VPS13B: variants seen among roughly 807,000 people sequenced by gnomAD.
The protein encoded by VPS13B is vacuolar protein sorting 13 homolog B, also known as intermembrane lipid transfer protein VPS13B.
Under a neutral mutation model 426.4 loss-of-function variants are expected in VPS13B, and 285 were observed. That is an observed-to-expected ratio of 0.67 (90% CI 0.61 to 0.74). VPS13B has a LOEUF of 0.74. VPS13B is among the 30% of genes least tolerant of loss of function. The probability of loss-of-function intolerance (pLI) is 0.00; values close to 1 mark genes in which losing one functional copy is unlikely to be tolerated. For synonymous variants in VPS13B, 1,676 were observed against 1,676.4 expected (o/e 1.00, Z 0.01); for missense variants, 4,537 against 4,782.6 (o/e 0.95, Z 1.51).
At chr8:99,682,574 A>G (rs1437085150) in intron 35 of VPS13B, among the ~76,000 whole-genome samples, 1 of 152,188 alleles carries the variant, frequency 6.6e-6, no homozygotes, top group African/African-American at 2.4e-5. Flanking sequence ...TTTTTAAAAT[A>G]TGCCTTTTTG....
At chr8:99,462,261 A>G (rs1172653632) in intron 23 of VPS13B, among the ~76,000 whole-genome samples, 1 of 150,696 alleles carries the variant, frequency 6.6e-6, no homozygotes, top group African/African-American at 2.4e-5. Flanking sequence ...TATTTTCTCC[A>G]TGGTGGCATG....
intron 39 of VPS13B, among the ~76,000 whole-genome samples, chr8:99,744,825 TG>T (rs1002218610): frequency 2.5e-5 from 2 of 79,400 alleles, no homozygotes; most frequent in Admixed American, 1.5e-4. Flanking sequence ...TGTTGTGGGG[TG>T]GGGGGAAGGG....
At chr8:99,413,164 T>A (rs1373113958) in intron 21 of VPS13B, among the ~76,000 whole-genome samples, 2 of 152,138 alleles carry the variant, frequency 1.3e-5, no homozygotes, top group Admixed American at 1.3e-4. Context: ...TCTGGTAGAA[T>A]TCGTCTTTGA....
intron 39 of VPS13B, among the ~76,000 whole-genome samples, chr8:99,751,412 G>A (rs1810387058): frequency 6.6e-6 from 1 of 152,068 alleles, no homozygotes; most frequent in African/African-American, 2.4e-5. Context: ...AAATCTACCA[G>A]AAAAGTATGG....
intron 30 of VPS13B, among the ~76,000 whole-genome samples, chr8:99,549,333 A>T (rs1824154353): frequency 6.6e-6 from 1 of 152,104 alleles, no homozygotes; most frequent in Non-Finnish European, 1.5e-5. Flanking sequence ...TCTTTTTAGA[A>T]TCCTAGTACG....
At chr8:99,360,163 T>TC (rs1812445242) in intron 19 of VPS13B, among the ~76,000 whole-genome samples, 1 of 38,800 alleles carries the variant, frequency 2.6e-5, no homozygotes, top group African/African-American at 1.2e-4. Flanking sequence ...TCTTTCTTTC[T>TC]TTCTTTCTTT....
chr8:99,465,297 G>A (rs916112902), intron 23 of VPS13B, among the ~76,000 whole-genome samples: 3 of 151,916 alleles, frequency 2.0e-5, no homozygotes, highest in Non-Finnish European at 4.4e-5. Flanking sequence ...GTGGGAAATT[G>A]TGGAATTTTT....
intron 15 of VPS13B, among the ~76,000 whole-genome samples, chr8:99,162,551 C>A (rs1811728996): frequency 6.6e-6 from 1 of 151,960 alleles, no homozygotes; most frequent in South Asian, 2.1e-4. Context: ...TTTGGAGTTT[C>A]TTCCTTCTGG....
intron 19 of VPS13B, among the ~76,000 whole-genome samples, chr8:99,361,347 T>C (rs984507978): frequency 8.5e-5 from 13 of 152,336 alleles, no homozygotes; most frequent in African/African-American, 2.4e-4. Context: ...GACCAGATAA[T>C]TTTTTAGGCT....
chr8:99,354,958 A>T (rs1472815784), intron 19 of VPS13B, among the ~76,000 whole-genome samples: 1 of 152,322 alleles, frequency 6.6e-6, no homozygotes, highest in East Asian at 1.9e-4. Context: ...CAGACAAACA[A>T]AAAACCTAGT....
At chr8:99,110,086 CAG>C (rs1465438069) in intron 5 of VPS13B, among the ~76,000 whole-genome samples, 1 of 152,018 alleles carries the variant, frequency 6.6e-6, no homozygotes, top group Non-Finnish European at 1.5e-5. Context: ...TTTCAACTAA[CAG>C]ACAACTTTGA....
chr8:99,431,547 A>G lies in VPS13B; in HGVS notation c.3093A>G (p.Pro1031=), dbSNP rs764269562. 3 of 1,613,434 alleles carry G rather than the reference A, an allele frequency of 1.9e-6. No homozygotes were observed. The highest frequency in any genetic ancestry group is 1.7e-5 in the Admixed American group (1 of 60,004). The part of the protein sequence containing the change: ...VKTKTVTESR[P]LSVPVKAMLN... ...TATTCTCGTACTCAGAATCCCGCCC[A>G]TTGTCAGTTCCTGTTAAAGCCATGT... Residue 1031 remains proline, a synonymous_variant, in exon 22 of 62, where the codon CCA becomes CCG. Coordinates refer to ENST00000357162, the MANE Select transcript of VPS13B (RefSeq NM_152564.5).
intron 33 of VPS13B, among the ~76,000 whole-genome samples, chr8:99,630,493 TC>T (rs1247967294): frequency 6.6e-6 from 1 of 151,986 alleles, no homozygotes; most frequent in Admixed American, 6.6e-5. Flanking sequence ...GAAGGTAGGC[TC>T]CAATTTTAAC....
At chr8:99,371,624 C>T (rs994888898) in intron 19 of VPS13B, among the ~76,000 whole-genome samples, 2 of 152,088 alleles carry the variant, frequency 1.3e-5, no homozygotes, top group African/African-American at 2.4e-5. Flanking sequence ...TCAGTGGTAG[C>T]GTAATGGGAA....
At chr8:99,489,150 C>T (rs189933323) in intron 25 of VPS13B, among the ~76,000 whole-genome samples, 21 of 152,222 alleles carry the variant, frequency 1.4e-4, no homozygotes, top group African/African-American at 4.8e-4. Context: ...AGTCCTTTCC[C>T]TGTTACTTGT....
chr8:99,555,840 C>T (rs973482441), intron 30 of VPS13B, among the ~76,000 whole-genome samples: 1 of 152,084 alleles, frequency 6.6e-6, no homozygotes, highest in African/African-American at 2.4e-5. Flanking sequence ...CTCTGTTATT[C>T]TACATCAGAA....
rs78195515 is a variant in VPS13B at position 99,181,603 on chromosome 8, G to A, written c.2334-11273G>A. Among the ~76,000 whole-genome samples the A allele has an allele frequency of 8.8e-3, 1,347 of 152,292 alleles. 14 individuals are homozygous for A. Among genetic ancestry groups the A allele is most frequent in the African/African-American group, 0.03 (1,231 of 41,562 alleles). On this transcript the variant is annotated intron_variant, in intron 16 of 61. Coordinates refer to ENST00000357162, the MANE Select transcript of VPS13B (RefSeq NM_152564.5). ...TAACAAATATGAGCTGCTTTGAATA[G>A]TGCCTGACACATAACAAGTTCTTTA...
At chr8:99,623,994 C>CATATATATATATAT (rs770947718) in intron 33 of VPS13B, among the ~76,000 whole-genome samples, 87 of 53,934 alleles carry the variant, frequency 1.6e-3, no homozygotes, top group African/African-American at 4.9e-3. Flanking sequence ...ATGAAACATA[C>CATATATATATATAT]ATATATATAT....
intron 17 of VPS13B, among the ~76,000 whole-genome samples, chr8:99,235,462 C>A (rs905430746): frequency 2.0e-5 from 3 of 152,048 alleles, no homozygotes; most frequent in African/African-American, 7.2e-5. Flanking sequence ...AAATCTGTAC[C>A]TTTTCTGTGT....
Sources: gnomAD v4.1 joint callset for allele counts (sites outside exome capture counted in the v4.1 genomes callset) on GRCh38, gnomAD v4.1.1 for gene constraint, MANE v1.5 for transcripts, NCBI Gene and HGNC (gene_info 2026-07-23, HGNC 2026-07-21) for gene names.